The following GDAP1 variants were observed in gnomAD, a reference collection of about 807,000 sequenced individuals.
The protein encoded by GDAP1 is ganglioside-induced differentiation-associated protein 1.
GDAP1 carries 34 observed loss-of-function variants against 40.1 expected under a neutral mutation model. The observed-to-expected ratio is 0.85, with a 90% CI of 0.64 to 1.13. GDAP1 has a LOEUF of 1.13. Among genes scored for constraint, GDAP1 ranks in the 50% most tolerant of loss-of-function variants. GDAP1 has a pLI of 0.00. For synonymous variants in GDAP1, 170 were observed against 157.4 expected, an observed-to-expected ratio of 1.08 and a Z score of -0.60; for missense variants, 374 against 433.7, an observed-to-expected ratio of 0.86 and a Z score of 1.22.
rs116177668 is a variant in GDAP1, at chr8:74,409,318, G to A, written c.165+57997G>A. Among the ~76,000 whole-genome samples the A allele has an allele frequency of 3.1e-3, 457 of 149,828 alleles. 55 individuals carry two copies. The highest frequency in any genetic ancestry group is 0.011 in the African/African-American group (433 of 39,250). ...CATAGAAATCAGTTTTTCTGATCTTGAAACTTGAGAAAGTTACATTTTTTC... is the reference window on the plus strand; with the variant it reads ...CATAGAAATCAGTTTTTCTGATCTTAAAACTTGAGAAAGTTACATTTTTTC... On this transcript the variant is annotated intron_variant, in intron 2 of 2. Coordinates refer to the GDAP1 transcript ENST00000523640.
chr8:74,463,527 G>A (rs888604119), intron 2 of GDAP1, among the ~76,000 whole-genome samples: 8 of 151,914 alleles, frequency 5.3e-5, no homozygotes, highest in African/African-American at 1.9e-4. Flanking sequence ...TGTCCAAAGT[G>A]GATCAAAGGA....
At chr8:74,354,598 A>G (rs576796844) in intron 2 of GDAP1, among the ~76,000 whole-genome samples, 1 of 152,356 alleles carries the variant, frequency 6.6e-6, no homozygotes, top group African/African-American at 2.4e-5. Context: ...GGCTATGAGG[A>G]AAATAGGCAT....
At chr8:74,423,554 A>G (rs2131560917) in intron 2 of GDAP1, among the ~76,000 whole-genome samples, 1 of 151,638 alleles carries the variant, frequency 6.6e-6, no homozygotes, top group East Asian at 1.9e-4. Flanking sequence ...AATTTTTCCA[A>G]TCCTTCCCAT....
rs909741362 is a variant in GDAP1 at position 74,413,248 on chromosome 8, C to T, written c.165+61927C>T. Among the ~76,000 whole-genome samples, 6 of 149,578 alleles carry T rather than the reference C, an allele frequency of 4.0e-5. 1 individual carries two copies. Among genetic ancestry groups the T allele is most frequent in the African/African-American group, 1.3e-4 (5 of 38,992 alleles). ...AGCTATAAAATCTGGACAGAATGCA[C>T]AGAGCAGCTATTTGAGGACTTTGAA... On this transcript the variant is annotated intron_variant, in intron 2 of 2. Transcript: ENST00000523640.
chr8:74,402,288 C>T (rs1406281479), intron 2 of GDAP1, among the ~76,000 whole-genome samples: 1 of 150,464 alleles, frequency 6.6e-6, no homozygotes, highest in East Asian at 1.9e-4. Flanking sequence ...CTCGCTGCCA[C>T]CTTGCAGTTT....
rs191700483 is a variant in GDAP1 at position 74,422,796 on chromosome 8, T to G, written c.166-65882T>G. ...AGGTACCTACTATGTTTTTAAAAGTTTACTTTTTATTTCCCATTTTCTTCT... is the reference window on the plus strand; with the variant it reads ...AGGTACCTACTATGTTTTTAAAAGTGTACTTTTTATTTCCCATTTTCTTCT... On this transcript the variant is annotated intron_variant, in intron 2 of 2. Transcript: ENST00000523640. Among the ~76,000 whole-genome samples the G allele has an allele frequency of 5.5e-3, 832 of 151,904 alleles. 8 individuals carry two copies. The highest frequency in any genetic ancestry group is 0.019 in the African/African-American group (798 of 41,454).
chr8:74,365,899 A>C lies in GDAP1; in HGVS notation c.*1532A>C, dbSNP rs1809608013. 1 of 454,152 alleles carries C rather than the reference A, an allele frequency of 2.2e-6. No individual in the cohort carries two copies. The highest frequency in any genetic ancestry group is 2.0e-5 in the African/African-American group (1 of 50,008). 28.1% of individuals were successfully genotyped at this position (454,152 alleles called of 1,614,324 possible). A position where few individuals can be genotyped will look rare whatever the true frequency, so the allele number is the denominator to read the frequency against. On this transcript the variant is annotated 3_prime_UTR_variant, in exon 6 of 6. Transcript: ENST00000220822. ...AGTGTGTTGTCATATGGAGTGTCTG[A>C]ATCTGTTGCTGGGACATACCAATCC...
chr8:74,485,550 G>A (rs980033147), intron 2 of GDAP1, among the ~76,000 whole-genome samples: 2 of 152,106 alleles, frequency 1.3e-5, no homozygotes, highest in Non-Finnish European at 2.9e-5. Flanking sequence ...TACAAGATCC[G>A]ATATAATCAA....
chr8:74,420,615 G>T (rs966668926), intron 2 of GDAP1, among the ~76,000 whole-genome samples: 1 of 152,108 alleles, frequency 6.6e-6, no homozygotes, highest in East Asian at 1.9e-4. Context: ...GATGCTGTGC[G>T]GAGTGCTTTG....
intron 2 of GDAP1, among the ~76,000 whole-genome samples, chr8:74,447,595 C>T (rs751586420): frequency 7.9e-5 from 12 of 152,060 alleles, no homozygotes; most frequent in Admixed American, 2.0e-4. Flanking sequence ...CCTCTCAGCC[C>T]CCTTTATTTG....
At chr8:74,466,499 A>G (rs1806471359) in intron 2 of GDAP1, among the ~76,000 whole-genome samples, 1 of 152,198 alleles carries the variant, frequency 6.6e-6, no homozygotes, top group Non-Finnish European at 1.5e-5. Context: ...TGGAGTGGTA[A>G]TAGTTGGGCA....
intron 2 of GDAP1, among the ~76,000 whole-genome samples, chr8:74,406,453 G>A (rs1805642051): frequency 6.7e-6 from 1 of 150,218 alleles, no homozygotes. Context: ...ATAATACTCT[G>A]TGATACCAAG....
At chr8:74,353,813 G>T (rs1343230879) in intron 2 of GDAP1, among the ~76,000 whole-genome samples, 1 of 152,180 alleles carries the variant, frequency 6.6e-6, no homozygotes, top group Non-Finnish European at 1.5e-5. Flanking sequence ...AGTTAAGTAA[G>T]CACTGGTGTA....
intron 2 of GDAP1, among the ~76,000 whole-genome samples, chr8:74,372,226 CAT>C (rs1352261608): frequency 3.9e-5 from 6 of 152,178 alleles, no homozygotes; most frequent in African/African-American, 7.2e-5. Flanking sequence ...CCGCAATAAA[CAT>C]ATGTGTGCAT....
In GDAP1 at chr8:74,364,445, G is replaced by C; in HGVS notation, c.*78G>C. 7.4e-7 allele frequency: 1 copy of C among 1,343,488 alleles called. No individual in the cohort carries two copies. Among genetic ancestry groups the C allele is most frequent in the Non-Finnish European group, 1.1e-6 (1 of 944,796 alleles). The allele number at this position is 1,343,488 out of a possible 1,614,324, so 83.2% of individuals were successfully genotyped here. A position where few individuals can be genotyped will look rare whatever the true frequency, so the allele number is the denominator to read the frequency against. ...TGATTGCCCGTGGCTCTCTGAGTCT[G>C]TCTTATTGAGTAGTTAGCAGTATTT... On this transcript the variant is annotated 3_prime_UTR_variant, in exon 6 of 6. Transcript: ENST00000220822.
At chr8:74,427,474 T>G (rs1022512487) in intron 2 of GDAP1, among the ~76,000 whole-genome samples, 3 of 152,202 alleles carry the variant, frequency 2.0e-5, no homozygotes, top group Non-Finnish European at 4.4e-5. Flanking sequence ...GGTGGATACA[T>G]GAGTCTCAGA....
At chr8:74,470,912 C>A (rs1806544625) in intron 2 of GDAP1, among the ~76,000 whole-genome samples, 1 of 151,990 alleles carries the variant, frequency 6.6e-6, no homozygotes. Flanking sequence ...CTCTCCAGCA[C>A]CTGTTTCCTG....
intron 2 of GDAP1, among the ~76,000 whole-genome samples, chr8:74,354,059 A>G (rs1179430850): frequency 6.6e-6 from 1 of 152,202 alleles, no homozygotes; most frequent in Non-Finnish European, 1.5e-5. Context: ...TTGTGGAATA[A>G]AGGAGCAAAT....
At chr8:74,396,860 C>G (rs902350408) in intron 2 of GDAP1, among the ~76,000 whole-genome samples, 8 of 152,118 alleles carry the variant, frequency 5.3e-5, no homozygotes, top group African/African-American at 1.2e-4. Context: ...TAGTCCTTTG[C>G]ATATATACCC....
Sources: allele counts gnomAD v4.1 joint callset (sites outside exome capture counted in the v4.1 genomes callset), GRCh38; gene constraint gnomAD v4.1.1; transcripts MANE v1.5; gene names NCBI Gene and HGNC (gene_info 2026-07-23, HGNC 2026-07-21).